Variants in ERCC6L2 observed in about 807,000 individuals in gnomAD.
ERCC6L2 encodes the protein ERCC excision repair 6 like 2.
ERCC6L2 carries 77 observed loss-of-function variants against 132.0 expected under a neutral mutation model. The observed-to-expected ratio is 0.58, with a 90% CI of 0.49 to 0.71. The LOEUF is 0.71. ERCC6L2 is among the 30% of genes least tolerant of loss of function. The probability of loss-of-function intolerance (pLI) is 0.00; values close to 1 mark genes in which losing one functional copy is unlikely to be tolerated. For synonymous variants in ERCC6L2, 583 were observed against 632.4 expected, an observed-to-expected ratio of 0.92 and a Z score of 1.17; for missense variants, 1,542 against 1,837.6, an observed-to-expected ratio of 0.84 and a Z score of 2.94.
intron 2 of ERCC6L2, among the ~76,000 whole-genome samples, chr9:95,884,065 G>A (rs1246846141): frequency 6.6e-6 from 1 of 152,166 alleles, no homozygotes. Context: ...TAAAGGAGCT[G>A]ATTTTACTGC....
At chr9:95,996,721 T>C (rs981248131) in intron 17 of ERCC6L2, among the ~76,000 whole-genome samples, 2 of 152,234 alleles carry the variant, frequency 1.3e-5, no homozygotes, top group Non-Finnish European at 2.9e-5. Context: ...CATCTGTTTA[T>C]GGCATGGCTT....
chr9:95,931,786 T>G (rs1830350351), intron 11 of ERCC6L2, among the ~76,000 whole-genome samples: 2 of 149,760 alleles, frequency 1.3e-5, no homozygotes, highest in Non-Finnish European at 3.0e-5. Context: ...AGTCTTGGTG[T>G]GGATCTTCGT....
At chr9:95,918,115 T>G (rs904536397) in intron 6 of ERCC6L2, 1 of 389,202 alleles carries the variant, frequency 2.6e-6, no homozygotes, top group Non-Finnish European at 5.1e-6. Context: ...GGTTTGGGTC[T>G]TTAAAAAATA....
chr9:95,999,805 A>G (rs983965780), intron 17 of ERCC6L2, among the ~76,000 whole-genome samples: 2 of 151,744 alleles, frequency 1.3e-5, no homozygotes, highest in Non-Finnish European at 2.9e-5. Flanking sequence ...TCTGGTGTTC[A>G]TTTTGTTTTG....
chr9:96,039,915 C>T (rs1451175030), intron 20 of ERCC6L2, among the ~76,000 whole-genome samples: 1 of 152,042 alleles, frequency 6.6e-6, no homozygotes, highest in Non-Finnish European at 1.5e-5. Context: ...ATGCCAGGGA[C>T]ACCAGATAAA....
At chr9:96,039,837 A>C (rs1025033745) in intron 20 of ERCC6L2, among the ~76,000 whole-genome samples, 1 of 152,146 alleles carries the variant, frequency 6.6e-6, no homozygotes, top group Non-Finnish European at 1.5e-5. Flanking sequence ...AGAGCAGGCT[A>C]CAGTGGACAG....
At chr9:95,975,174 C>T (rs1832610747) in intron 16 of ERCC6L2, among the ~76,000 whole-genome samples, 1 of 152,134 alleles carries the variant, frequency 6.6e-6, no homozygotes, top group Non-Finnish European at 1.5e-5. Context: ...TACTACTCCC[C>T]TCTTAGACTT....
chr9:95,969,297 T>A (rs1832305740), intron 14 of ERCC6L2, among the ~76,000 whole-genome samples: 1 of 152,172 alleles, frequency 6.6e-6, no homozygotes, highest in Non-Finnish European at 1.5e-5. Context: ...TTAGCTTGAC[T>A]TACTATTGAA....
rs551105293 is a variant in ERCC6L2, at chr9:95,888,442, T to G, written c.471+7149T>G. 5.3e-4 allele frequency among the ~76,000 whole-genome samples: 81 copies of G among 152,370 alleles called. No individual in the cohort carries two copies. The South Asian group carries it at 0.016, about 30-fold the overall frequency. On this transcript the variant is annotated intron_variant, in intron 2 of 18. Coordinates refer to ENST00000653738, the MANE Select transcript of ERCC6L2 (RefSeq NM_020207.7). Reference sequence around the variant, plus strand: ...TTTCACTATTCTAGAGGTGACTGATTTAAATATTTGTTTTTGTTCTTTTCA... The same window carrying G: ...TTTCACTATTCTAGAGGTGACTGATGTAAATATTTGTTTTTGTTCTTTTCA...
chr9:96,024,862 C>T (rs1398744051), intron 19 of ERCC6L2, among the ~76,000 whole-genome samples: 2 of 152,196 alleles, frequency 1.3e-5, no homozygotes, highest in Non-Finnish European at 2.9e-5. Context: ...CTCAGTTAAT[C>T]GCATTGCTTC....
chr9:95,972,445 A>C lies in ERCC6L2; in HGVS notation c.2694A>C (p.Ser898=), dbSNP rs1427818104. The change falls in exon 16 of 19, where the codon TCA becomes TCC. Residue 898 remains serine (S), a synonymous_variant. Transcript: ENST00000653738. ...GCATTTTACAGAATGTCACAGAATC[A>C]GAAGATAGTGATGTCATCTGTCCTA... ...KHCILQNVTE[S]EDSDVICPTQ... is the part of the protein sequence containing the mutation. The C allele has an allele frequency of 7.8e-7, 1 of 1,282,016 alleles. No individual in the cohort carries two copies. The highest frequency in any genetic ancestry group is 2.4e-5 in the Admixed American group (1 of 41,886). The allele number at this position is 1,282,016 out of a possible 1,614,324, so 79.4% of individuals were successfully genotyped here.
At chr9:95,999,432 A>G (rs1833582297) in intron 17 of ERCC6L2, among the ~76,000 whole-genome samples, 1 of 152,182 alleles carries the variant, frequency 6.6e-6, no homozygotes, top group South Asian at 2.1e-4. Context: ...TTTGGCAAAA[A>G]TTAAAGATCC....
chr9:95,977,528 A>T (rs1193488193), intron 16 of ERCC6L2, among the ~76,000 whole-genome samples: 1 of 152,128 alleles, frequency 6.6e-6, no homozygotes, highest in Admixed American at 6.6e-5. Context: ...CCATGAGTTA[A>T]TTTTTTTCAT....
At chr9:95,894,045 A>G (rs528207299) in intron 2 of ERCC6L2, among the ~76,000 whole-genome samples, 3 of 152,318 alleles carry the variant, frequency 2.0e-5, no homozygotes, top group Admixed American at 2.0e-4. Context: ...CACATTTAAT[A>G]CACCTAACCT....
intron 17 of ERCC6L2, among the ~76,000 whole-genome samples, chr9:96,000,324 C>T (rs1273041045): frequency 6.6e-6 from 1 of 152,082 alleles, no homozygotes; most frequent in Non-Finnish European, 1.5e-5. Context: ...TGTCAGTTTT[C>T]CTTAGAAATC....
chr9:95,941,857 G>C (rs1387512228), intron 12 of ERCC6L2, among the ~76,000 whole-genome samples: 2 of 152,262 alleles, frequency 1.3e-5, no homozygotes, highest in Middle Eastern at 3.4e-3. Context: ...ACTCCTGGAA[G>C]ATAGAAAGCA....
intron 17 of ERCC6L2, among the ~76,000 whole-genome samples, chr9:96,003,016 T>G (rs1833742760): frequency 6.6e-6 from 1 of 152,302 alleles, no homozygotes; most frequent in African/African-American, 2.4e-5. Context: ...CTGAGTAATT[T>G]TATCCTTCCA....
intron 12 of ERCC6L2, among the ~76,000 whole-genome samples, chr9:95,947,667 T>C (rs922599086): frequency 2.0e-5 from 3 of 152,246 alleles, no homozygotes; most frequent in Non-Finnish European, 4.4e-5. Context: ...AAAGATAGGC[T>C]GACTCTCTTG....
Position 95,955,921 on chromosome 9 carries a change from A to G in ERCC6L2, c.1855A>G (p.Arg619Gly). 3.8e-6 allele frequency: 6 copies of G among 1,588,338 alleles called. No homozygotes were observed. Among genetic ancestry groups the G allele is most frequent in the Non-Finnish European group, 5.1e-6 (6 of 1,167,942 alleles). The change falls in exon 13 of 19, where the codon AGG becomes GGG. Residue 619 changes from arginine to glycine, a missense_variant. By Grantham distance (125) the Arg-to-Gly change is moderately radical (BLOSUM62 -2). Around this residue, in one of 4 missense-constraint regions of ERCC6L2, gnomAD observed 945 missense variants for 1,105.2 expected, o/e 0.86. Coordinates refer to ENST00000653738, the MANE Select transcript of ERCC6L2 (RefSeq NM_020207.7). Reference sequence around the variant, plus strand: ...TTTTTAATCCTTTTACAGAGCATATAGGATTGGACAATGTAGAGATGTCAA... The same window carrying G: ...TTTTTAATCCTTTTACAGAGCATATGGGATTGGACAATGTAGAGATGTCAA... ...NDLQAIDRAY[R>G]IGQCRDVKVL... is the part of the protein sequence containing the mutation.
Sources: allele counts gnomAD v4.1 joint callset (sites outside exome capture counted in the v4.1 genomes callset), GRCh38; gene constraint gnomAD v4.1.1; regional missense constraint gnomAD v4.1.1; transcripts MANE v1.5; gene names NCBI Gene and HGNC (gene_info 2026-07-23, HGNC 2026-07-21).